PDE4B: variants seen among roughly 807,000 people sequenced by gnomAD.
PDE4B encodes the protein 3',5'-cyclic-AMP phosphodiesterase 4B.
PDE4B carries 20 observed loss-of-function variants against 82.2 expected under a neutral mutation model. The observed-to-expected ratio is 0.24, with a 90% CI of 0.17 to 0.35. PDE4B has a LOEUF of 0.35. PDE4B is among the 10% of genes least tolerant of loss of function. The pLI is 1.00. For synonymous variants in PDE4B, 320 were observed against 318.9 expected, an observed-to-expected ratio of 1.00 and a Z score of -0.04; for missense variants, 655 against 907.2, an observed-to-expected ratio of 0.72 and a Z score of 3.57.
At chr1:66,170,542 A>T in intron 3 of PDE4B, among the ~76,000 whole-genome samples, 1 of 152,296 alleles carries the variant, frequency 6.6e-6, no homozygotes, top group East Asian at 1.9e-4. Context: ...TCCCTGTTGG[A>T]TTCTTACTAA....
chr1:66,079,166 T>TTCTCTC (rs148765561), intron 3 of PDE4B, among the ~76,000 whole-genome samples: 7,514 of 142,114 alleles, frequency 0.053, 332 homozygotes, highest in African/African-American at 0.12. Flanking sequence ...CCTGCTTCTT[T>TTCTCTC]TCTCTCTCTC....
chr1:66,087,926 A>C (rs1434828912), intron 3 of PDE4B, among the ~76,000 whole-genome samples: 1 of 150,782 alleles, frequency 6.6e-6, no homozygotes, highest in Admixed American at 6.6e-5. Context: ...CTAGATGACG[A>C]GTTAGTGGGT....
intron 3 of PDE4B, chr1:65,992,403 A>G (rs1214819179): frequency 6.5e-6 from 1 of 152,742 alleles, no homozygotes; most frequent in Non-Finnish European, 1.5e-5. Context: ...ATAATTCTGA[A>G]TGAAGACTTT....
chr1:66,264,348 T>C (rs969996687), intron 6 of PDE4B, among the ~76,000 whole-genome samples: 1 of 152,190 alleles, frequency 6.6e-6, no homozygotes, highest in Non-Finnish European at 1.5e-5. Flanking sequence ...GCATATAGTA[T>C]AGTGGAAAGA....
At chr1:66,302,697 G>A (rs1309258604) in intron 7 of PDE4B, among the ~76,000 whole-genome samples, 1 of 152,140 alleles carries the variant, frequency 6.6e-6, no homozygotes, top group Non-Finnish European at 1.5e-5. Context: ...TTTGGTGGCA[G>A]TACAAAAAGT....
intron 16 of PDE4B, among the ~76,000 whole-genome samples, chr1:66,371,101 T>TATATAC (rs2050754591): frequency 1.9e-5 from 1 of 53,770 alleles, no homozygotes; most frequent in Non-Finnish European, 3.1e-5. Flanking sequence ...ATACTATATA[T>TATATAC]ATATATATAT....
At chr1:65,956,361 C>G (rs1406158648) in intron 3 of PDE4B, among the ~76,000 whole-genome samples, 12 of 152,076 alleles carry the variant, frequency 7.9e-5, no homozygotes, top group Non-Finnish European at 1.6e-4. Flanking sequence ...ATCTCTGAAG[C>G]CTTTCCACCA....
At chr1:66,266,613 A>G (rs559517189) in intron 7 of PDE4B, 5 of 444,580 alleles carry the variant, frequency 1.1e-5, no homozygotes, top group Non-Finnish European at 1.8e-5. Flanking sequence ...TTGTTCCTCA[A>G]CGGTGTTTTG....
At chr1:66,077,274 A>G (rs556452939) in intron 3 of PDE4B, among the ~76,000 whole-genome samples, 1 of 152,284 alleles carries the variant, frequency 6.6e-6, no homozygotes, top group African/African-American at 2.4e-5. Flanking sequence ...GATGATTACA[A>G]TACAATAAAA....
At chr1:65,877,534 G>C (rs750126580) in intron 1 of PDE4B, among the ~76,000 whole-genome samples, 1 of 151,986 alleles carries the variant, frequency 6.6e-6, no homozygotes, top group Non-Finnish European at 1.5e-5. Flanking sequence ...AGAATGGCAT[G>C]ACCCTGGGAG....
At position 66,116,185 on chromosome 1, in the gene PDE4B, C is replaced by A. The variant is rs190362130; in HGVS notation, c.282-131275C>A. ...CATGGGCATGCCCGGATTTTGAAAACCTTGTCAAATTATCTCTATTTCTGG... is the reference window on the plus strand; with the variant it reads ...CATGGGCATGCCCGGATTTTGAAAAACTTGTCAAATTATCTCTATTTCTGG... On this transcript the variant is annotated intron_variant, in intron 3 of 16. Coordinates refer to ENST00000341517, the MANE Select transcript of PDE4B (RefSeq NM_002600.4). 1.8e-3 allele frequency among the ~76,000 whole-genome samples: 250 copies of A among 140,220 alleles called. 1 individual carries two copies. The highest frequency in any genetic ancestry group is 3.1e-3 in the Non-Finnish European group (200 of 65,188). 92.0% of individuals were successfully genotyped at this position (140,220 alleles called of 152,430 possible). A position where few individuals can be genotyped will look rare whatever the true frequency, so the allele number is the denominator to read the frequency against.
chr1:66,268,667 C>CAAAAAAAAAAAAAAAAAAAAAAAAAAA (rs36046564), intron 7 of PDE4B, among the ~76,000 whole-genome samples: 3 of 61,238 alleles, frequency 4.9e-5, no homozygotes, highest in African/African-American at 7.2e-5. Context: ...GACTCCATCT[C>CAAAAAAAAAAAAAAAAAAAAAAAAAAA]AAAAAAAAAA....
intron 4 of PDE4B, among the ~76,000 whole-genome samples, chr1:66,253,254 A>T (rs1353146225): frequency 6.6e-6 from 1 of 152,362 alleles, no homozygotes; most frequent in Non-Finnish European, 1.5e-5. Flanking sequence ...TATAGTATAT[A>T]TCTCTCCATA....
At chr1:66,336,141 C>A (rs1318703301) in intron 8 of PDE4B, among the ~76,000 whole-genome samples, 2 of 152,188 alleles carry the variant, frequency 1.3e-5, no homozygotes, top group Non-Finnish European at 2.9e-5. Context: ...CAGTTCCTGA[C>A]CTCGTGTCAC....
At chr1:66,200,321 C>T (rs962408219) in intron 3 of PDE4B, among the ~76,000 whole-genome samples, 6 of 152,080 alleles carry the variant, frequency 3.9e-5, no homozygotes, top group South Asian at 2.1e-4. Context: ...ATTGACTTGG[C>T]GATGAGGGCT....
intron 3 of PDE4B, among the ~76,000 whole-genome samples, chr1:66,099,318 A>G (rs923560368): frequency 2.0e-5 from 3 of 152,112 alleles, no homozygotes; most frequent in Non-Finnish European, 4.4e-5. Flanking sequence ...GTATGGCTGC[A>G]TAGTACTCCA....
chr1:66,291,610 A>G (rs1480241066), intron 7 of PDE4B, among the ~76,000 whole-genome samples: 1 of 152,146 alleles, frequency 6.6e-6, no homozygotes, highest in African/African-American at 2.4e-5. Flanking sequence ...CCTGTTACAG[A>G]GTCAAGTTTA....
intron 1 of PDE4B, among the ~76,000 whole-genome samples, chr1:65,844,359 T>C (rs1285037649): frequency 6.6e-6 from 1 of 152,170 alleles, no homozygotes; most frequent in Non-Finnish European, 1.5e-5. Flanking sequence ...GGAATAAAAG[T>C]AGTGCGCATG....
At chr1:66,058,120 G>A (rs1254498533) in intron 3 of PDE4B, among the ~76,000 whole-genome samples, 7 of 152,152 alleles carry the variant, frequency 4.6e-5, no homozygotes, top group African/African-American at 1.7e-4. Flanking sequence ...AAACAGAGGG[G>A]CTACAGGCCC....
Sources: allele counts gnomAD v4.1 joint callset (sites outside exome capture counted in the v4.1 genomes callset), GRCh38; gene constraint gnomAD v4.1.1; transcripts MANE v1.5; gene names NCBI Gene and HGNC (gene_info 2026-07-23, HGNC 2026-07-21).